Variants in LRP1B observed in about 807,000 individuals in gnomAD.
The protein encoded by LRP1B is low-density lipoprotein receptor-related protein 1B.
LRP1B carries 217 observed loss-of-function variants against 556.6 expected under a neutral mutation model. The observed-to-expected ratio is 0.39, with a 90% confidence interval of 0.35 to 0.44. The LOEUF is 0.44. LRP1B is among the 20% of genes least tolerant of loss of function. The pLI, the probability that LRP1B is intolerant of heterozygous loss-of-function variation, is 1.00. For missense variants in LRP1B, 5,053 were observed against 5,620.8 expected, an observed-to-expected ratio of 0.90 and a Z score of 3.23; for synonymous variants, 2,047 against 1,865.8, an observed-to-expected ratio of 1.10 and a Z score of -2.50.
chr2:140,706,404 G>A (rs949700773), intron 37 of LRP1B, among the ~76,000 whole-genome samples: 1 of 152,104 alleles, frequency 6.6e-6, no homozygotes, highest in Non-Finnish European at 1.5e-5. Flanking sequence ...GCTATATTGT[G>A]TAACTGAATT....
chr2:140,640,378 G>GTTT (rs1684241670), intron 41 of LRP1B, among the ~76,000 whole-genome samples: 2 of 61,108 alleles, frequency 3.3e-5, no homozygotes, highest in Non-Finnish European at 6.4e-5. Flanking sequence ...CCCTTGTCCT[G>GTTT]TTTTCTTTTT....
chr2:140,997,473 CTGTGG>C (rs922413203), intron 15 of LRP1B, among the ~76,000 whole-genome samples: 11 of 151,664 alleles, frequency 7.3e-5, no homozygotes, highest in Admixed American at 7.2e-4. Context: ...GTTTAATAAC[CTGTGG>C]TGTGCATGAA....
At chr2:141,400,426 T>C (rs542526404) in intron 3 of LRP1B, among the ~76,000 whole-genome samples, 1 of 152,348 alleles carries the variant, frequency 6.6e-6, no homozygotes, top group South Asian at 2.1e-4. Context: ...GTATTCAATG[T>C]AGACATTTTT....
chr2:141,022,990 C>CATGT (rs1180940211), intron 11 of LRP1B, among the ~76,000 whole-genome samples: 2 of 151,644 alleles, frequency 1.3e-5, no homozygotes, highest in African/African-American at 4.8e-5. Flanking sequence ...AAGGAGTTAA[C>CATGT]ATGTTTGTAC....
chr2:140,546,097 G>C (rs1304078941), intron 43 of LRP1B, among the ~76,000 whole-genome samples: 1 of 151,642 alleles, frequency 6.6e-6, no homozygotes, highest in African/African-American at 2.4e-5. Flanking sequence ...AGTTGTTAGT[G>C]TACAGGAATC....
chr2:140,620,532 A>G (rs1326344439), intron 41 of LRP1B, among the ~76,000 whole-genome samples: 1 of 152,200 alleles, frequency 6.6e-6, no homozygotes, highest in Non-Finnish European at 1.5e-5. Flanking sequence ...TTTTTAAAAC[A>G]TAACCTTTAA....
At chr2:141,754,016 C>A (rs1157050779) in intron 2 of LRP1B, among the ~76,000 whole-genome samples, 1 of 152,128 alleles carries the variant, frequency 6.6e-6, no homozygotes, top group East Asian at 1.9e-4. Flanking sequence ...CAGGTCATAG[C>A]TATCTAGTTG....
At chr2:140,400,924 T>TA (rs1365061542) in intron 66 of LRP1B, among the ~76,000 whole-genome samples, 1 of 151,992 alleles carries the variant, frequency 6.6e-6, no homozygotes, top group Non-Finnish European at 1.5e-5. Context: ...TAGAGAGTGG[T>TA]AAAAAAGATA....
intron 3 of LRP1B, among the ~76,000 whole-genome samples, chr2:141,342,552 C>T (rs2105519584): frequency 6.6e-6 from 1 of 151,976 alleles, no homozygotes; most frequent in East Asian, 2.0e-4. Context: ...CTGAAAAACA[C>T]AGCACAAGAA....
At chr2:140,529,829 C>T (rs1351213031) in intron 47 of LRP1B, among the ~76,000 whole-genome samples, 2 of 151,916 alleles carry the variant, frequency 1.3e-5, no homozygotes. Flanking sequence ...TGCCATGCAA[C>T]CAGAAGAGGA....
rs1681202124 is a variant in LRP1B, at chr2:140,247,167, A to G, written c.13248-5T>C. The G allele has an allele frequency of 6.2e-7, 1 of 1,603,904 alleles. No individual in the cohort carries two copies. The highest frequency in any genetic ancestry group is 1.3e-5 in the African/African-American group (1 of 74,568). On this transcript the variant is annotated splice_region_variant and splice_polypyrimidine_tract_variant and intron_variant, in intron 86 of 90. Coordinates refer to ENST00000389484, the MANE Select transcript of LRP1B (RefSeq NM_018557.3). Reference sequence around the variant, plus strand: ...CCTGACCAGTTGGTGGAGCATCTAAAAATATCCAAACAACAAACAAAACAG... The same window carrying G: ...CCTGACCAGTTGGTGGAGCATCTAAGAATATCCAAACAACAAACAAAACAG...
chr2:140,353,521 G>T (rs1682069538), intron 75 of LRP1B, among the ~76,000 whole-genome samples: 1 of 151,956 alleles, frequency 6.6e-6, no homozygotes, highest in Admixed American at 6.6e-5. Flanking sequence ...CTACCTCCAT[G>T]CCTTCGAAGG....
At chr2:141,123,268 A>AAAAAAAAAAAAAAAAAAAAAAAAAAG (rs1558876282) in intron 7 of LRP1B, among the ~76,000 whole-genome samples, 1 of 147,142 alleles carries the variant, frequency 6.8e-6, no homozygotes, top group African/African-American at 2.5e-5. Flanking sequence ...ATAAATAAAA[A>AAAAAAAAAAAAAAAAAAAAAAAAAAG]AAAGAAAGTA....
At chr2:140,386,340 G>T (rs1205804388) in intron 66 of LRP1B, among the ~76,000 whole-genome samples, 1 of 152,166 alleles carries the variant, frequency 6.6e-6, no homozygotes, top group Non-Finnish European at 1.5e-5. Context: ...TCGGGAGGTT[G>T]TCCTTTCCTT....
At chr2:141,734,525 T>C (rs1228508716) in intron 2 of LRP1B, among the ~76,000 whole-genome samples, 2 of 152,146 alleles carry the variant, frequency 1.3e-5, no homozygotes, top group Non-Finnish European at 2.9e-5. Flanking sequence ...GAAAAACCAT[T>C]AAAAGTGAAT....
chr2:141,360,572 A>G (rs537878053), intron 3 of LRP1B, among the ~76,000 whole-genome samples: 1 of 152,328 alleles, frequency 6.6e-6, no homozygotes, highest in South Asian at 2.1e-4. Context: ...AGAAAGACAT[A>G]TACTCCAGGT....
chr2:141,436,268 G>T (rs917663834), intron 3 of LRP1B, among the ~76,000 whole-genome samples: 4 of 152,092 alleles, frequency 2.6e-5, no homozygotes, highest in Non-Finnish European at 5.9e-5. Context: ...TTTCTGATGT[G>T]TGGTGAAGAC....
rs143732836 is a variant in LRP1B, at chr2:141,150,503, A to G, written c.1013+37918T>C. Among the ~76,000 whole-genome samples the G allele has an allele frequency of 3.2e-3, 489 of 152,280 alleles. 2 individuals are homozygous for G. The highest frequency in any genetic ancestry group is 0.011 in the African/African-American group (464 of 41,554). Reference sequence around the variant, plus strand: ...AACTTTGTCCATCTATGCATGTCAGAATTGTCTGGATTTTTGGATTGGAGA... The same window carrying G: ...AACTTTGTCCATCTATGCATGTCAGGATTGTCTGGATTTTTGGATTGGAGA... On this transcript the variant is annotated intron_variant, in intron 7 of 90. Coordinates refer to ENST00000389484, the MANE Select transcript of LRP1B (RefSeq NM_018557.3).
chr2:140,748,821 TATATATCATATATTATATACATGTATATA>T, intron 35 of LRP1B, among the ~76,000 whole-genome samples: 2 of 91,466 alleles, frequency 2.2e-5, no homozygotes, highest in Non-Finnish European at 4.4e-5. Flanking sequence ...ATGTATATAA[TATATATCATATATTATATACATGTATATA>T]ATATATATAC....
Sources: gnomAD v4.1 joint callset for allele counts (sites outside exome capture counted in the v4.1 genomes callset) on GRCh38, gnomAD v4.1.1 for gene constraint, MANE v1.5 for transcripts, NCBI Gene and HGNC (gene_info 2026-07-23, HGNC 2026-07-21) for gene names.